Variants in MAML2 observed in about 807,000 individuals in gnomAD.
MAML2 encodes mastermind-like protein 2.
A neutral mutation model predicts 96.1 loss-of-function variants in MAML2; 22 were observed. That is an observed-to-expected ratio of 0.23 (90% CI 0.16 to 0.33). MAML2 has a LOEUF of 0.33. MAML2 is among the 10% of genes least tolerant of loss of function. The probability of loss-of-function intolerance (pLI) is 1.00; values close to 1 mark genes in which losing one functional copy is unlikely to be tolerated. For missense variants in MAML2, 1,367 were observed against 1,392.4 expected, an observed-to-expected ratio of 0.98 and a Z score of 0.29; for synonymous variants, 561 against 521.3, an observed-to-expected ratio of 1.08 and a Z score of -1.04.
chr11:96,072,399 T>G (rs545408916), intron 2 of MAML2, among the ~76,000 whole-genome samples: 74 of 152,320 alleles, frequency 4.9e-4, no homozygotes, highest in African/African-American at 1.5e-3. Flanking sequence ...AAATCAGAAG[T>G]TCACAGTTCT....
intron 4 of MAML2, among the ~76,000 whole-genome samples, chr11:95,984,377 C>T (rs1190973896): frequency 6.6e-6 from 1 of 152,192 alleles, no homozygotes; most frequent in Non-Finnish European, 1.5e-5. Flanking sequence ...CTCCTTGAGA[C>T]AATCAACTAG....
At chr11:96,258,100 C>T (rs1299826197) in intron 1 of MAML2, among the ~76,000 whole-genome samples, 1 of 152,156 alleles carries the variant, frequency 6.6e-6, no homozygotes, top group Non-Finnish European at 1.5e-5. Context: ...TGGTCCTATT[C>T]ATCAAAATCA....
At chr11:96,010,649 C>A (rs1263764880) in intron 2 of MAML2, among the ~76,000 whole-genome samples, 1 of 151,930 alleles carries the variant, frequency 6.6e-6, no homozygotes, top group Non-Finnish European at 1.5e-5. Context: ...GTATTTTGAA[C>A]CAAAAAGTTA....
chr11:96,306,259 G>A (rs1031135023), intron 1 of MAML2, among the ~76,000 whole-genome samples: 3 of 152,150 alleles, frequency 2.0e-5, no homozygotes, highest in African/African-American at 7.2e-5. Context: ...TGGAAATTGT[G>A]AAGCTCTTCT....
At chr11:96,260,646 A>G (rs192572280) in intron 1 of MAML2, among the ~76,000 whole-genome samples, 24 of 152,230 alleles carry the variant, frequency 1.6e-4, no homozygotes. Context: ...AGACAAACTG[A>G]CCCTGAGCAG....
At chr11:95,986,282 G>A (rs1857827397) in intron 3 of MAML2, among the ~76,000 whole-genome samples, 1 of 151,650 alleles carries the variant, frequency 6.6e-6, no homozygotes, top group African/African-American at 2.4e-5. Flanking sequence ...TCGGCTTACT[G>A]CAACCTCTGC....
At chr11:96,253,941 T>C (rs571019168) in intron 1 of MAML2, among the ~76,000 whole-genome samples, 144 of 152,350 alleles carry the variant, frequency 9.5e-4, no homozygotes, top group African/African-American at 3.2e-3. Context: ...CTTCTCATTA[T>C]GGCACTATCA....
intron 1 of MAML2, among the ~76,000 whole-genome samples, chr11:96,263,463 C>G (rs1862779456): frequency 6.6e-6 from 1 of 152,200 alleles, no homozygotes; most frequent in Non-Finnish European, 1.5e-5. Flanking sequence ...TAAAGTGTTT[C>G]TCAATCAGAA....
chr11:96,341,313 C>T lies in MAML2; in HGVS notation c.513+70G>A. The T allele has an allele frequency of 8.2e-6, 12 of 1,457,632 alleles. No individual in the cohort carries two copies. In the South Asian group the frequency reaches 1.6e-4, roughly 19 times the overall value. 90.3% of individuals were successfully genotyped at this position (1,457,632 alleles called of 1,614,324 possible). A position where few individuals can be genotyped will look rare whatever the true frequency, so the allele number is the denominator to read the frequency against. On this transcript the variant is annotated intron_variant, in intron 1 of 4. Coordinates refer to ENST00000524717, the MANE Select transcript of MAML2 (RefSeq NM_032427.4). ...CATTGCCATCCACTCTACCTTAGGC[C>T]AAAGCAAACTCTACCCTCACAAAAG... is the stretch of plus-strand genomic sequence containing the variant.
intron 1 of MAML2, among the ~76,000 whole-genome samples, chr11:96,134,357 G>A (rs1215847586): frequency 6.6e-6 from 1 of 152,206 alleles, no homozygotes; most frequent in Non-Finnish European, 1.5e-5. Flanking sequence ...CCAATGCCTG[G>A]AATAGTCCTT....
intron 1 of MAML2, among the ~76,000 whole-genome samples, chr11:96,096,830 G>A (rs927509156): frequency 6.6e-6 from 1 of 152,172 alleles, no homozygotes; most frequent in Non-Finnish European, 1.5e-5. Flanking sequence ...GTGTGGTGGT[G>A]TAAGGTCACC....
Position 96,114,824 on chromosome 11 carries a change from T to C in MAML2, c.514-21307A>G, listed in dbSNP as rs1234849464. 2.0e-5 allele frequency among the ~76,000 whole-genome samples: 3 copies of C among 152,248 alleles called. No individual in the cohort carries two copies. The East Asian group carries it at 5.8e-4, about 29-fold the overall frequency. On this transcript the variant is annotated intron_variant, in intron 1 of 4. Coordinates refer to ENST00000524717, the MANE Select transcript of MAML2 (RefSeq NM_032427.4). ...TACCATGGCAAGGATTAAGTATACC[T>C]GGAATGTGGAACAGAGCCAAGAACT...
At chr11:96,102,171 G>A (rs1015561012) in intron 1 of MAML2, among the ~76,000 whole-genome samples, 5 of 152,160 alleles carry the variant, frequency 3.3e-5, no homozygotes, top group Non-Finnish European at 7.4e-5. Context: ...AGCTACTTGG[G>A]AGGCTGAGGC....
intron 1 of MAML2, among the ~76,000 whole-genome samples, chr11:96,113,712 C>T (rs1309334932): frequency 6.6e-6 from 1 of 151,896 alleles, no homozygotes; most frequent in African/African-American, 2.4e-5. Flanking sequence ...AGGCTTTAAT[C>T]CAGGGTGTTT....
intron 2 of MAML2, among the ~76,000 whole-genome samples, chr11:96,070,455 T>TG (rs1469470076): frequency 3.9e-5 from 6 of 152,190 alleles, no homozygotes; most frequent in Non-Finnish European, 1.5e-5. Context: ...ACTCCCTCTT[T>TG]GGGGTCCTGC....
intron 1 of MAML2, among the ~76,000 whole-genome samples, chr11:96,143,000 C>T (rs536208183): frequency 6.6e-6 from 1 of 152,166 alleles, no homozygotes; most frequent in African/African-American, 2.4e-5. Context: ...AGACTTACAA[C>T]TGATGCCAGC....
chr11:96,146,890 G>A (rs1263655232), intron 1 of MAML2, among the ~76,000 whole-genome samples: 1 of 152,120 alleles, frequency 6.6e-6, no homozygotes, highest in Non-Finnish European at 1.5e-5. Context: ...TAATGCAGAA[G>A]CTCTGAGAAA....
intron 1 of MAML2, among the ~76,000 whole-genome samples, chr11:96,171,710 C>G (rs552559632): frequency 6.6e-6 from 1 of 152,290 alleles, no homozygotes; most frequent in African/African-American, 2.4e-5. Context: ...GAGCTGGAGA[C>G]AGGGTGATAG....
chr11:96,166,173 TCTCTCACACA>T (rs1275849724), intron 1 of MAML2, among the ~76,000 whole-genome samples: 3 of 110,518 alleles, frequency 2.7e-5, no homozygotes, highest in African/African-American at 1.1e-4. Flanking sequence ...TCTCTCTCTC[TCTCTCACACA>T]CACACACACA....
Sources: gnomAD v4.1 joint callset for allele counts (sites outside exome capture counted in the v4.1 genomes callset) on GRCh38, gnomAD v4.1.1 for gene constraint, MANE v1.5 for transcripts, NCBI Gene and HGNC (gene_info 2026-07-23, HGNC 2026-07-21) for gene names.